DLGAP2: variants seen among roughly 807,000 people sequenced by gnomAD.
DLGAP2 encodes the protein DLG associated protein 2.
Under a neutral mutation model 100.3 loss-of-function variants are expected in DLGAP2, and 26 were observed. The observed-to-expected ratio is 0.26, with a 90% CI of 0.19 to 0.36. The LOEUF is 0.36. Among genes scored for constraint, DLGAP2 ranks in the 10% least tolerant of loss-of-function variants. The probability of loss-of-function intolerance (pLI) is 1.00; values close to 1 mark genes in which losing one functional copy is unlikely to be tolerated. For synonymous variants in DLGAP2, 886 were observed against 630.1 expected, an observed-to-expected ratio of 1.41 and a Z score of -6.08; for missense variants, 1,858 against 1,453.2, an observed-to-expected ratio of 1.28 and a Z score of -4.53.
chr8:1,409,516 A>G (rs1323690581), intron 3 of DLGAP2, among the ~76,000 whole-genome samples: 2 of 152,236 alleles, frequency 1.3e-5, no homozygotes, highest in African/African-American at 4.8e-5. Context: ...GGGTGTGACG[A>G]ACGTGCTCAG....
chr8:1,169,436 G>A (rs1253548782), intron 2 of DLGAP2, among the ~76,000 whole-genome samples: 1 of 152,180 alleles, frequency 6.6e-6, no homozygotes, highest in Non-Finnish European at 1.5e-5. Context: ...TTGGTAGCTT[G>A]ATGGGGATGG....
chr8:1,012,075 G>A (rs1801305971), intron 2 of DLGAP2, among the ~76,000 whole-genome samples: 1 of 152,158 alleles, frequency 6.6e-6, no homozygotes, highest in African/African-American at 2.4e-5. Flanking sequence ...CACATGCATG[G>A]CCCGTGTCGC....
At chr8:1,002,072 C>T (rs996779926) in intron 2 of DLGAP2, 2 of 152,202 alleles carry the variant, frequency 1.3e-5, no homozygotes, top group Non-Finnish European at 2.9e-5. Flanking sequence ...AATTGTCTTC[C>T]ACCTGCTTAA....
chr8:1,700,699 T>C (rs1054128675), intron 14 of DLGAP2, among the ~76,000 whole-genome samples: 1 of 152,166 alleles, frequency 6.6e-6, no homozygotes, highest in East Asian at 1.9e-4. Context: ...ATCGGGCCAG[T>C]GTTTCCCCGC....
At chr8:1,422,492 A>C (rs990335195) in intron 3 of DLGAP2, among the ~76,000 whole-genome samples, 1 of 151,720 alleles carries the variant, frequency 6.6e-6, no homozygotes, top group African/African-American at 2.4e-5. Context: ...GTCTTTAGAG[A>C]CTTAATGTAA....
chr8:927,875 A>G (rs937712089), intron 2 of DLGAP2, among the ~76,000 whole-genome samples: 1 of 152,156 alleles, frequency 6.6e-6, no homozygotes, highest in East Asian at 1.9e-4. Context: ...AAACAAAAAA[A>G]CCCCACAAAG....
chr8:1,336,576 A>G (rs1033016080), intron 3 of DLGAP2, among the ~76,000 whole-genome samples: 2 of 152,170 alleles, frequency 1.3e-5, no homozygotes, highest in African/African-American at 2.4e-5. Flanking sequence ...GCTTGGCACA[A>G]CTGGTTCAGA....
intron 4 of DLGAP2, among the ~76,000 whole-genome samples, chr8:1,521,345 A>G (rs1319048274): frequency 1.2e-4 from 6 of 51,200 alleles, no homozygotes; most frequent in African/African-American, 3.2e-4. Flanking sequence ...GATATGGGGC[A>G]TCTGGTTTGC....
Position 1,548,730 on chromosome 8 carries a change from C to A in DLGAP2, c.277C>A (p.Leu93Met). ...TTCCGGAAGTCGGACCCAGCCGCCG[C>A]TGTGTTCCGGGCACACGTGTGGTCT... Reference protein sequence around the residue: ...GLSGSRTQPPLCSGHTCGLAP... With the variant: ...GLSGSRTQPPMCSGHTCGLAP... The change falls in exon 5 of 15, where the codon CTG becomes ATG. Residue 93 changes from leucine to methionine, a missense_variant. Leu to Met is a conservative substitution (Grantham distance 15, BLOSUM62 2). Transcript: ENST00000637795. 1 of 1,607,108 alleles carries A rather than the reference C, an allele frequency of 6.2e-7. No homozygotes were observed. The highest frequency in any genetic ancestry group is 8.5e-7 in the Non-Finnish European group (1 of 1,178,154).
chr8:1,537,438 C>T (rs1039980564), intron 4 of DLGAP2, among the ~76,000 whole-genome samples: 1 of 152,056 alleles, frequency 6.6e-6, no homozygotes, highest in African/African-American at 2.4e-5. Context: ...TCTGCCAAAC[C>T]CTTCCCTGAT....
rs184871073 is a variant in DLGAP2, at chr8:1,294,450, C to A, written c.106+35567C>A. Among the ~76,000 whole-genome samples the A allele has an allele frequency of 2.6e-3, 399 of 152,266 alleles. 1 individual carries two copies. The highest frequency in any genetic ancestry group is 0.01 in the Middle Eastern group (3 of 294). The stretch of plus-strand genomic sequence containing the variant: ...CCATTTTTCTGATGAGTCACTGAGA[C>A]CATGTGTTGAAACACATTCTCACCG... On this transcript the variant is annotated intron_variant, in intron 3 of 14. Coordinates refer to ENST00000637795, the MANE Select transcript of DLGAP2 (RefSeq NM_001346810.2).
intron 2 of DLGAP2, among the ~76,000 whole-genome samples, chr8:956,883 C>G (rs1173040564): frequency 1.3e-5 from 2 of 152,206 alleles, no homozygotes; most frequent in Non-Finnish European, 2.9e-5. Context: ...TCTGTCATTT[C>G]TTATACATTT....
At chr8:1,535,854 C>G (rs1402827498) in intron 4 of DLGAP2, among the ~76,000 whole-genome samples, 1 of 152,088 alleles carries the variant, frequency 6.6e-6, no homozygotes, top group African/African-American at 2.4e-5. Flanking sequence ...CTCTCAGGTC[C>G]CAAGCCTGGA....
intron 3 of DLGAP2, among the ~76,000 whole-genome samples, chr8:1,288,096 T>C (rs1203396771): frequency 6.7e-6 from 1 of 148,656 alleles, no homozygotes; most frequent in Non-Finnish European, 1.5e-5. Flanking sequence ...AGTGTGTGTG[T>C]GTGCGTGTGT....
chr8:766,215 A>G (rs1369050918), intron 1 of DLGAP2, among the ~76,000 whole-genome samples: 1 of 152,190 alleles, frequency 6.6e-6, no homozygotes, highest in Non-Finnish European at 1.5e-5. Context: ...ACTCACATAC[A>G]TGCAATCACA....
intron 2 of DLGAP2, among the ~76,000 whole-genome samples, chr8:1,247,301 C>A (rs1798932300): frequency 1.5e-5 from 1 of 67,840 alleles, no homozygotes; most frequent in Non-Finnish European, 3.2e-5. Context: ...CTGGGAAGAC[C>A]ATTGAGATCA....
chr8:1,628,626 G>C (rs1797567663), intron 7 of DLGAP2, among the ~76,000 whole-genome samples: 1 of 147,314 alleles, frequency 6.8e-6, no homozygotes, highest in African/African-American at 2.5e-5. Flanking sequence ...TTAAGAGCTT[G>C]AGCCGACCTC....
At chr8:1,633,634 A>G (rs1797703709) in intron 8 of DLGAP2, among the ~76,000 whole-genome samples, 1 of 152,242 alleles carries the variant, frequency 6.6e-6, no homozygotes, top group Non-Finnish European at 1.5e-5. Flanking sequence ...CTAATATTTT[A>G]CTGCCTAATA....
chr8:1,185,628 G>T (rs1040061720), intron 2 of DLGAP2, among the ~76,000 whole-genome samples: 1 of 151,830 alleles, frequency 6.6e-6, no homozygotes, highest in East Asian at 1.9e-4. Context: ...ATGTAAAAAG[G>T]ACCACACAAT....
Sources: gnomAD v4.1 joint callset for allele counts (sites outside exome capture counted in the v4.1 genomes callset) on GRCh38, gnomAD v4.1.1 for gene constraint, MANE v1.5 for transcripts, NCBI Gene and HGNC (gene_info 2026-07-23, HGNC 2026-07-21) for gene names.